PKHD1L1: variants seen among roughly 807,000 people sequenced by gnomAD.
The protein encoded by PKHD1L1 is PKHD1 like 1.
Under a neutral mutation model 462.9 loss-of-function variants are expected in PKHD1L1, and 434 were observed. The ratio of observed to expected loss-of-function variants is 0.94; its 90% CI spans 0.87 to 1.02. PKHD1L1 has a LOEUF of 1.02. Ranked by LOEUF, PKHD1L1 falls within the 50% of genes least tolerant of loss-of-function variation. The pLI is 0.00. For missense variants in PKHD1L1, 5,202 were observed against 5,096.1 expected, an observed-to-expected ratio of 1.02 and a Z score of -0.63; for synonymous variants, 1,781 against 1,750.0, an observed-to-expected ratio of 1.02 and a Z score of -0.44.
intron 63 of PKHD1L1, among the ~76,000 whole-genome samples, chr8:109,494,663 C>T (rs1346693092): frequency 6.6e-6 from 1 of 151,598 alleles, no homozygotes; most frequent in African/African-American, 2.4e-5. Flanking sequence ...GGTATAATAC[C>T]TATAAAATAT....
At chr8:109,407,179 G>A (rs756975733) in intron 17 of PKHD1L1, among the ~76,000 whole-genome samples, 1 of 152,034 alleles carries the variant, frequency 6.6e-6, no homozygotes, top group African/African-American at 2.4e-5. Context: ...GGCAATCATT[G>A]TTTTTCAATA....
At chr8:109,410,833 A>G (rs1586455147) in intron 19 of PKHD1L1, among the ~76,000 whole-genome samples, 1 of 145,900 alleles carries the variant, frequency 6.9e-6, no homozygotes, top group Non-Finnish European at 1.5e-5. Flanking sequence ...AGTTCAAGCA[A>G]TTTTCCTGCC....
At chr8:109,385,407 A>G (rs1474853959) in intron 5 of PKHD1L1, 130 bp from the exon 6 acceptor site, 2 of 551,714 alleles carry the variant, frequency 3.6e-6, no homozygotes, top group East Asian at 6.1e-5. Context: ...AATGCTAAAC[A>G]ATAGTGGCAA....
chr8:109,419,237 C>G lies in PKHD1L1; in HGVS notation c.2501C>G (p.Thr834Arg). The stretch of plus-strand genomic sequence containing the variant: ...GTGGATGTAGTGTACATTGGACACA[C>G]ATCTACAATCTCAACATTGGATGGT... The part of the protein sequence containing the change: ...FYVDVVYIGH[T>R]STISTLDEMP... Residue 834 changes from threonine (T) to arginine (R), a missense_variant, in exon 22 of 78, where the codon ACA (threonine) becomes AGA (arginine). Thr to Arg is a moderately conservative substitution (Grantham distance 71). Transcript: ENST00000378402. 1 of 1,606,780 alleles carries G rather than the reference C, an allele frequency of 6.2e-7. No homozygotes were observed. Among genetic ancestry groups the G allele is most frequent in the East Asian group, 2.2e-5 (1 of 44,776 alleles).
chr8:109,476,372 T>C, intron 51 of PKHD1L1, 136 bp from the exon 52 acceptor site: 1 of 577,242 alleles, frequency 1.7e-6, no homozygotes, highest in Non-Finnish European at 2.9e-6. Flanking sequence ...AAATAGAAAT[T>C]CAAGACAAAA....
intron 53 of PKHD1L1, among the ~76,000 whole-genome samples, 155 bp downstream of exon 53, chr8:109,477,551 A>T (rs552990131): frequency 1.3e-5 from 2 of 152,328 alleles, no homozygotes; most frequent in Admixed American, 1.3e-4. Flanking sequence ...TGAGCCTTAC[A>T]AAAACCTTCG....
rs182368736 is a variant in PKHD1L1 at position 109,475,575 on chromosome 8, G to C, written c.8757+306G>C. On this transcript the variant is annotated intron_variant, in intron 51 of 77. Coordinates refer to ENST00000378402, the MANE Select transcript of PKHD1L1 (RefSeq NM_177531.6). ...GTTTATGATATCTCAGGGACCAGCA[G>C]TTAAGGACTTTATTTTTTATATCAT... Among the ~76,000 whole-genome samples the C allele has an allele frequency of 1.6e-3, 249 of 151,980 alleles. 1 individual carries two copies. Among genetic ancestry groups the C allele is most frequent in the African/African-American group, 5.6e-3 (233 of 41,460 alleles).
intron 12 of PKHD1L1, among the ~76,000 whole-genome samples, chr8:109,399,859 G>A (rs1243549589): frequency 6.6e-6 from 1 of 151,998 alleles, no homozygotes; most frequent in Non-Finnish European, 1.5e-5. Flanking sequence ...TTACATATGT[G>A]GAAACTGAGG....
chr8:109,481,264 C>G (rs1214895456), intron 55 of PKHD1L1, among the ~76,000 whole-genome samples, 169 bp from the exon 56 acceptor site: 4 of 151,842 alleles, frequency 2.6e-5, no homozygotes, highest in Admixed American at 6.6e-5. Context: ...ATTTAAACTG[C>G]TTATCCAAAA....
In PKHD1L1 at chr8:109,519,655, TA is replaced by T. The variant is rs1820448096; in HGVS notation, c.12031+1149del. Among the ~76,000 whole-genome samples the T allele has an allele frequency of 3.3e-5, 5 of 152,274 alleles. No individual in the cohort carries two copies. In the South Asian group the frequency reaches 1.0e-3, roughly 32 times the overall value. ...GTCAGAGGAAGACTTACCATCCAGT[TA>T]ATGAAGCTTACACTTCAAGCCCCCT... On this transcript the variant is annotated intron_variant, in intron 73 of 77. Transcript: ENST00000378402.
At position 109,461,840 on chromosome 8, in the gene PKHD1L1, G is replaced by A. The variant is rs779906623; in HGVS notation, c.7315G>A (p.Gly2439Ser). Residue 2439 changes from glycine to serine, a missense_variant, in exon 48 of 78, where the codon GGC becomes AGC. Physicochemically the swap from Gly to Ser is moderately conservative, Grantham distance 56. This residue lies in a region of PKHD1L1 where 4,497 missense variants were observed against 4,336.8 expected (regional missense o/e 1.04). Transcript: ENST00000378402. ...AGAAATAGGAAGTGACCAATTTGGAGGCTGCGTTATGTTTCATGCTCCTGT... is the reference window on the plus strand; with the variant it reads ...AGAAATAGGAAGTGACCAATTTGGAAGCTGCGTTATGTTTCATGCTCCTGT... ...GEEIGSDQFG[G>S]CVMFHAPVPG... 1 of 1,607,320 alleles carries A rather than the reference G, an allele frequency of 6.2e-7. No homozygotes were observed. Among genetic ancestry groups the A allele is most frequent in the Non-Finnish European group, 8.5e-7 (1 of 1,176,684 alleles).
intron 55 of PKHD1L1, 148 bp downstream of exon 55, chr8:109,480,287 C>T (rs1226463321): frequency 4.9e-6 from 4 of 818,972 alleles, no homozygotes; most frequent in East Asian, 2.8e-5. Context: ...TCAGTTAAGT[C>T]CAATATATTT....
chr8:109,462,049 C>A (rs1586564361), intron 48 of PKHD1L1, 141 bp downstream of exon 48: 8 of 1,041,722 alleles, frequency 7.7e-6, no homozygotes, highest in Non-Finnish European at 5.3e-6. Context: ...TTTTAATACA[C>A]CCATTTGATC....
intron 36 of PKHD1L1, 82 bp downstream of exon 36, chr8:109,443,198 T>G (rs1340412967): frequency 7.5e-7 from 1 of 1,325,890 alleles, no homozygotes; most frequent in African/African-American, 1.4e-5. Context: ...AGCAGATAAC[T>G]GGGTCTAACT....
chr8:109,524,101 T>A (rs1300966890), intron 76 of PKHD1L1, among the ~76,000 whole-genome samples: 4 of 152,204 alleles, frequency 2.6e-5, no homozygotes, highest in Admixed American at 1.3e-4. Flanking sequence ...CAGATCTCTC[T>A]TGGTGATAGA....
At position 109,536,348 on chromosome 8, in the gene PKHD1L1, T is replaced by C. The variant is rs932064858; in HGVS notation, c.*6258T>C. Among the ~76,000 whole-genome samples, 3 of 152,258 alleles carry C rather than the reference T, an allele frequency of 2.0e-5. No homozygotes were observed. The highest frequency in any genetic ancestry group is 2.9e-5 in the Non-Finnish European group (2 of 68,050). ...AAGTTGTTCAAGGTCAAAGTCACGA[T>C]GTCCATCATGCTGTAGCTCAATGAA... is the stretch of plus-strand genomic sequence containing the variant. On this transcript the variant is annotated 3_prime_UTR_variant, in exon 78 of 78. Transcript: ENST00000378402.
In PKHD1L1 at chr8:109,425,150, A is replaced by G. The variant is rs769218680; in HGVS notation, c.2763A>G (p.Lys921=). Residue 921 remains lysine (K), a synonymous_variant, in exon 24 of 78, where the codon AAA becomes AAG. Transcript: ENST00000378402. ...YRGNNWPGES[K]IHIQRIQAAS... Reference sequence around the variant, plus strand: ...GAAATAATTGGCCAGGCGAGTCAAAAATTCATATTCAAAGAATTCAAGCTG... The same window carrying G: ...GAAATAATTGGCCAGGCGAGTCAAAGATTCATATTCAAAGAATTCAAGCTG... 6 of 1,610,846 alleles carry G rather than the reference A, an allele frequency of 3.7e-6. No homozygotes were observed. Among genetic ancestry groups the G allele is most frequent in the African/African-American group, 1.3e-5 (1 of 74,744 alleles).
intron 71 of PKHD1L1, among the ~76,000 whole-genome samples, chr8:109,514,672 T>C (rs1307468499): frequency 6.6e-6 from 1 of 152,138 alleles, no homozygotes; most frequent in Non-Finnish European, 1.5e-5. Flanking sequence ...GCTGAGAGCA[T>C]GAAATGTAAG....
chr8:109,479,675 T>C (rs1459787301), intron 54 of PKHD1L1, 36 bp downstream of exon 54: 2 of 1,319,294 alleles, frequency 1.5e-6, no homozygotes, highest in Non-Finnish European at 2.1e-6. Context: ...AAATGTTTGT[T>C]TTCTGCAATA....
Sources: allele counts gnomAD v4.1 joint callset (sites outside exome capture counted in the v4.1 genomes callset), GRCh38; gene constraint gnomAD v4.1.1; regional missense constraint gnomAD v4.1.1; transcripts MANE v1.5; gene names NCBI Gene and HGNC (gene_info 2026-07-23, HGNC 2026-07-21).